RPH3A: variants seen among roughly 807,000 people sequenced by gnomAD.
The protein encoded by RPH3A is rabphilin 3A.
A neutral mutation model predicts 102.2 loss-of-function variants in RPH3A; 48 were observed. That is an observed-to-expected ratio of 0.47 (90% CI 0.37 to 0.60). The LOEUF (loss-of-function observed/expected upper bound fraction) is 0.60, where lower values mean the gene tolerates loss of function less well. Ranked by LOEUF, RPH3A falls within the 20% of genes least tolerant of loss-of-function variation. The probability of loss-of-function intolerance (pLI) is 0.00; values close to 1 mark genes in which losing one functional copy is unlikely to be tolerated. For missense variants in RPH3A, 781 were observed against 910.1 expected, an observed-to-expected ratio of 0.86 and a Z score of 1.83; for synonymous variants, 310 against 324.3, an observed-to-expected ratio of 0.96 and a Z score of 0.47.
chr12:112,699,725 C>T (rs908426570), intron 1 of RPH3A, among the ~76,000 whole-genome samples: 8 of 152,126 alleles, frequency 5.3e-5, no homozygotes, highest in Non-Finnish European at 7.4e-5. Flanking sequence ...TCAAACTGCA[C>T]GCTTAAAATC....
chr12:112,890,826 C>T (rs1340904827), intron 18 of RPH3A, 23 bp from the exon 19 acceptor site: 3 of 1,610,594 alleles, frequency 1.9e-6, no homozygotes, highest in Non-Finnish European at 2.5e-6. Flanking sequence ...CCAAGGCCCA[C>T]ACTGCCTTTT....
At chr12:112,854,870 G>A (rs1363485625) in intron 5 of RPH3A, among the ~76,000 whole-genome samples, 1 of 152,212 alleles carries the variant, frequency 6.6e-6, no homozygotes, top group African/African-American at 2.4e-5. Flanking sequence ...GGTGGGAAAG[G>A]CAATTGATGG....
chr12:112,886,635 A>G (rs2043005859), intron 16 of RPH3A, among the ~76,000 whole-genome samples: 1 of 152,140 alleles, frequency 6.6e-6, no homozygotes, highest in South Asian at 2.1e-4. Context: ...CCTAAGGGAC[A>G]TTTCTTATGA....
chr12:112,694,425 A>G lies in RPH3A; in HGVS notation c.-139-97718A>G, dbSNP rs952570765. Among the ~76,000 whole-genome samples the G allele has an allele frequency of 2.0e-5, 3 of 152,178 alleles. 1 individual carries two copies. On this transcript the variant is annotated intron_variant, in intron 1 of 21. Transcript: ENST00000543106. ...TACAGGTCTCTGGGGCAAGTGACTT[A>G]GTCTCAAGGCCCAAGTGGGACCTCT...
At chr12:112,581,735 T>G (rs2039402630) in intron 1 of RPH3A, among the ~76,000 whole-genome samples, 1 of 148,066 alleles carries the variant, frequency 6.8e-6, no homozygotes, top group African/African-American at 2.5e-5. Context: ...CTGTTTAGTT[T>G]TCCTTCCCTC....
At chr12:112,593,677 C>T (rs1390032000) in intron 1 of RPH3A, among the ~76,000 whole-genome samples, 1 of 152,184 alleles carries the variant, frequency 6.6e-6, no homozygotes, top group Non-Finnish European at 1.5e-5. Flanking sequence ...GAAGGGAGAA[C>T]CAACTCTTAT....
At chr12:112,738,689 G>A (rs1200956721) in intron 1 of RPH3A, among the ~76,000 whole-genome samples, 3 of 152,144 alleles carry the variant, frequency 2.0e-5, no homozygotes. Context: ...AAGAGCAGAT[G>A]ACTCACCGGA....
rs141291632 is a variant in RPH3A, at chr12:112,781,253, C to T, written c.-139-10890C>T. On this transcript the variant is annotated intron_variant, in intron 1 of 21. Coordinates refer to the RPH3A transcript ENST00000543106. ...TATCCTCTGGAACTTACCTGGTTCC[C>T]TTGGAAAACCAACAGGCATTTCCAA... Among the ~76,000 whole-genome samples the T allele has an allele frequency of 3.3e-3, 499 of 152,332 alleles. 2 individuals carry two copies. Among genetic ancestry groups the T allele is most frequent in the African/African-American group, 0.011 (475 of 41,574 alleles).
intron 1 of RPH3A, among the ~76,000 whole-genome samples, chr12:112,747,233 G>A (rs1055352614): frequency 6.6e-6 from 1 of 152,148 alleles, no homozygotes; most frequent in Non-Finnish European, 1.5e-5. Flanking sequence ...ACTTTTGGGA[G>A]GTGGTTAGGT....
intron 1 of RPH3A, among the ~76,000 whole-genome samples, chr12:112,748,710 A>G (rs940191782): frequency 1.5e-4 from 23 of 152,100 alleles, no homozygotes; most frequent in Non-Finnish European, 2.4e-4. Flanking sequence ...AGCTTCCTAG[A>G]TGGTCCTAAT....
chr12:112,631,885 G>A (rs1472315360), intron 1 of RPH3A, among the ~76,000 whole-genome samples: 1 of 152,146 alleles, frequency 6.6e-6, no homozygotes, highest in Non-Finnish European at 1.5e-5. Flanking sequence ...TATTGCATAT[G>A]GTGAAGTCTT....
intron 1 of RPH3A, among the ~76,000 whole-genome samples, chr12:112,756,798 T>A (rs1159009320): frequency 2.0e-5 from 3 of 152,194 alleles, no homozygotes; most frequent in Non-Finnish European, 4.4e-5. Context: ...AATATATGCA[T>A]TCATAATTTT....
chr12:112,620,940 A>G (rs777291972), intron 1 of RPH3A, among the ~76,000 whole-genome samples: 1 of 152,146 alleles, frequency 6.6e-6, no homozygotes. Context: ...ACTCACTGCC[A>G]GTAGTCTCTG....
At chr12:112,675,004 C>T (rs887879433) in intron 1 of RPH3A, among the ~76,000 whole-genome samples, 17 of 152,286 alleles carry the variant, frequency 1.1e-4, no homozygotes, top group African/African-American at 4.1e-4. Context: ...AGCTTCCAAA[C>T]CTGTAAAACA....
At chr12:112,827,553 A>G (rs2041899203) in intron 2 of RPH3A, among the ~76,000 whole-genome samples, 1 of 152,232 alleles carries the variant, frequency 6.6e-6, no homozygotes, top group African/African-American at 2.4e-5. Context: ...CAATTGCATT[A>G]AGTCAGGCAG....
At chr12:112,610,844 G>A (rs2039634475) in intron 1 of RPH3A, among the ~76,000 whole-genome samples, 1 of 152,096 alleles carries the variant, frequency 6.6e-6, no homozygotes, top group African/African-American at 2.4e-5. Flanking sequence ...CACCGTGTTA[G>A]CCAGGATGGT....
intron 1 of RPH3A, among the ~76,000 whole-genome samples, chr12:112,684,460 G>T (rs1360507731): frequency 6.6e-6 from 1 of 151,872 alleles, no homozygotes; most frequent in Non-Finnish European, 1.5e-5. Context: ...TAGAGACAGG[G>T]TTATGCCATG....
At chr12:112,677,531 A>G (rs2040188684) in intron 1 of RPH3A, among the ~76,000 whole-genome samples, 1 of 146,078 alleles carries the variant, frequency 6.8e-6, no homozygotes, top group Non-Finnish European at 1.5e-5. Flanking sequence ...GTCTCCTGGC[A>G]TCAAATGATC....
intron 5 of RPH3A, among the ~76,000 whole-genome samples, chr12:112,851,581 T>C (rs1398670559): frequency 6.6e-6 from 1 of 152,190 alleles, no homozygotes; most frequent in Non-Finnish European, 1.5e-5. Context: ...ATTGCCTCCC[T>C]GGGGCAGTTT....
Sources: gnomAD v4.1 joint callset for allele counts (sites outside exome capture counted in the v4.1 genomes callset) on GRCh38, gnomAD v4.1.1 for gene constraint, MANE v1.5 for transcripts, NCBI Gene and HGNC (gene_info 2026-07-23, HGNC 2026-07-21) for gene names.